C1QTNF6: variants seen among roughly 807,000 people sequenced by gnomAD.
C1QTNF6 encodes the protein complement C1q tumor necrosis factor-related protein 6.
In C1QTNF6, 17 loss-of-function variants were observed where a neutral mutation model predicts 20.7. The ratio of observed to expected loss-of-function variants is 0.82; its 90% CI spans 0.56 to 1.23. The LOEUF is 1.23. Among genes scored for constraint, C1QTNF6 ranks in the 50% most tolerant of loss-of-function variants. C1QTNF6 has a pLI of 0.00. For synonymous variants in C1QTNF6, 130 were observed against 156.3 expected (o/e 0.83, Z 1.25); for missense variants, 329 against 389.7 (o/e 0.84, Z 1.31).
At chr22:37,185,154 C>T in intron 2 of C1QTNF6, 64 bp downstream of exon 2, 1 of 1,496,092 alleles carries the variant, frequency 6.7e-7, no homozygotes, top group South Asian at 1.4e-5. Flanking sequence ...CTGCCCTCTA[C>T]TCCCTCCACC....
intron 1 of C1QTNF6, chr22:37,196,831 G>A (rs1427876980): frequency 6.6e-6 from 1 of 152,288 alleles, no homozygotes; most frequent in Admixed American, 6.5e-5. Flanking sequence ...GCTGGGCCAA[G>A]TGTGGAGGAT....
upstream of C1QTNF6, chr22:37,188,317 G>GGGGA: frequency 2.1e-6 from 2 of 955,774 alleles, no homozygotes; most frequent in Non-Finnish European, 2.9e-6. Context: ...GGGAGAGAGG[G>GGGGA]CGGAGGGAGG....
chr22:37,198,945 C>T (rs1925321221), upstream of C1QTNF6, among the ~76,000 whole-genome samples: 1 of 152,328 alleles, frequency 6.6e-6, no homozygotes, highest in East Asian at 1.9e-4. Context: ...GCTTTCAGGA[C>T]GTCGGATCCC....
chr22:37,182,482 G>A lies in C1QTNF6; in HGVS notation c.543C>T (p.Gly181=). 6.2e-7 allele frequency: 1 copy of A among 1,614,274 alleles called. No individual in the cohort carries two copies. The highest frequency in any genetic ancestry group is 8.5e-7 in the Non-Finnish European group (1 of 1,180,050). The change falls in exon 3 of 3, where the codon GGC becomes GGT. Residue 181 remains glycine, a synonymous_variant. Transcript: ENST00000337843. ...TGCCACGCAGGGGAGCAGCAAACTG[G>A]CCGGTCGCCATGTCAAAGCACCCAT... ...NLDGCFDMAT[G]QFAAPLRGIY...
chr22:37,199,377 C>T (rs1015212568), upstream of C1QTNF6: 4 of 152,474 alleles, frequency 2.6e-5, no homozygotes, highest in Admixed American at 1.3e-4. Context: ...TCTGGCCCAC[C>T]CGGGCCTCGC....
chr22:37,195,059 AGAAAGCTCCCCATGTCCCAT>A (rs2145783832), intron 2 of C1QTNF6, among the ~76,000 whole-genome samples: 1 of 152,358 alleles, frequency 6.6e-6, no homozygotes, highest in Admixed American at 6.5e-5. Flanking sequence ...TTTGGGGAGA[AGAAAGCTCCCCATGTCCCAT>A]GATCCTGTAC....
rs1321444263 is a variant in C1QTNF6, at chr22:37,182,290, C to T, written c.735G>A (p.Trp245Ter). The T allele has an allele frequency of 6.2e-7, 1 of 1,614,218 alleles. No homozygotes were observed. Among genetic ancestry groups the T allele is most frequent in the South Asian group, 1.1e-5 (1 of 91,088 alleles). Residue 245 changes from tryptophan to a stop codon, truncating the protein, a stop_gained, in exon 3 of 3, where the codon TGG becomes TGA. Transcript: ENST00000337843. LOFTEE classifies it high-confidence loss of function. ...CGCGCTGGCGCTTGAAGAGCCGCAC[C>T]CAGACGCGGTCCCCGTAGGCCAGGT... ...MLDLAYGDRVWVRLFKRQREN... is the reference protein window; with the variant it reads ...MLDLAYGDRV
At chr22:37,198,063 C>A (rs1925256255), upstream of C1QTNF6, 1 of 152,270 alleles carries the variant, frequency 6.6e-6, no homozygotes, top group African/African-American at 2.4e-5. Flanking sequence ...CTTTCCCAGG[C>A]ACCCTGGGAC....
intron 1 of C1QTNF6, among the ~76,000 whole-genome samples, chr22:37,186,238 C>T (rs1204419371): frequency 6.6e-6 from 1 of 152,202 alleles, no homozygotes; most frequent in East Asian, 1.9e-4. Context: ...GAAGGTGCCC[C>T]TCTGGACAAA....
upstream of C1QTNF6, chr22:37,190,631 CA>C (rs1924755945): frequency 6.6e-6 from 1 of 151,706 alleles, no homozygotes; most frequent in African/African-American, 2.4e-5. Flanking sequence ...GAAAGCATGC[CA>C]CTCGAGTCAA....
rs1031380712 is a variant in C1QTNF6, at chr22:37,183,607, T to C, written c.290-872A>G. 5.9e-5 allele frequency among the ~76,000 whole-genome samples: 9 copies of C among 152,216 alleles called. No homozygotes were observed. The South Asian group carries it at 1.9e-3, about 32-fold the overall frequency. On this transcript the variant is annotated intron_variant, in intron 2 of 2. Coordinates refer to ENST00000337843, the MANE Select transcript of C1QTNF6 (RefSeq NM_031910.4). ...GCCTGGAGTCACACGAGCAACCACA[T>C]CCTTGCATGGGCTAGAAGGCCCTGT...
intron 1 of C1QTNF6, chr22:37,185,800 G>A: frequency 2.0e-6 from 2 of 1,013,284 alleles, no homozygotes; most frequent in South Asian, 4.6e-5. Context: ...TGCTGGGGCA[G>A]GTGAGAAGAT....
intron 1 of C1QTNF6, chr22:37,185,949 G>C (rs1347233120): frequency 4.1e-6 from 4 of 985,396 alleles, no homozygotes; most frequent in Non-Finnish European, 4.8e-6. Context: ...ACTGAGGTTA[G>C]TGAACACTGG....
upstream of C1QTNF6, among the ~76,000 whole-genome samples, chr22:37,198,802 C>A (rs986893028): frequency 1.3e-5 from 2 of 152,008 alleles, no homozygotes; most frequent in African/African-American, 2.4e-5. Flanking sequence ...CCGCAGCAAC[C>A]CCCACCCCCC....
rs988160205 is a variant in C1QTNF6 at position 37,184,001 on chromosome 22, C to G, written c.289+1217G>C. On this transcript the variant is annotated intron_variant, in intron 2 of 2. Coordinates refer to ENST00000337843, the MANE Select transcript of C1QTNF6 (RefSeq NM_031910.4). The surrounding 1 kb of genome is among the most constrained non-coding windows in gnomAD (Gnocchi z 4.0). Reference sequence around the variant, plus strand: ...TCCCTCACGGCAGCCTACCCACCTCCCAGCAGGCTGCTGAGCTGGGCCCAG... The same window carrying G: ...TCCCTCACGGCAGCCTACCCACCTCGCAGCAGGCTGCTGAGCTGGGCCCAG... 6.6e-6 allele frequency among the ~76,000 whole-genome samples: 1 copy of G among 152,162 alleles called. No individual in the cohort carries two copies. The highest frequency in any genetic ancestry group is 2.4e-5 in the African/African-American group (1 of 41,446).
chr22:37,186,341 C>G (rs1324241184), intron 1 of C1QTNF6, among the ~76,000 whole-genome samples: 1 of 152,226 alleles, frequency 6.6e-6, no homozygotes, highest in African/African-American at 2.4e-5. Context: ...CTGCTCAGCA[C>G]CTTTGTGCAG....
At chr22:37,187,512 T>TC (rs1398324085) in intron 1 of C1QTNF6, among the ~76,000 whole-genome samples, 2 of 148,608 alleles carry the variant, frequency 1.3e-5, no homozygotes, top group Admixed American at 1.4e-4. Context: ...CACCACCCTT[T>TC]CCCTCCCAGG....
intron 2 of C1QTNF6, among the ~76,000 whole-genome samples, chr22:37,183,701 G>A (rs1924005093): frequency 6.6e-6 from 1 of 152,250 alleles, no homozygotes; most frequent in Non-Finnish European, 1.5e-5. Flanking sequence ...CCAGAGAGCT[G>A]GGCAGGGCAA....
At chr22:37,183,185 G>T (rs932053289) in intron 2 of C1QTNF6, among the ~76,000 whole-genome samples, 1 of 152,206 alleles carries the variant, frequency 6.6e-6, no homozygotes, top group African/African-American at 2.4e-5. Context: ...AAATACATTT[G>T]CCCACCTGGA....
Sources: gnomAD v4.1 joint callset for allele counts (sites outside exome capture counted in the v4.1 genomes callset) on GRCh38, gnomAD v4.1.1 for gene constraint, Gnocchi (gnomAD v3.1) non-coding constraint, MANE v1.5 for transcripts, NCBI Gene and HGNC (gene_info 2026-07-23, HGNC 2026-07-21) for gene names.